Variants in SGK3 observed in about 807,000 individuals in gnomAD.
SGK3 encodes the protein serine/threonine-protein kinase Sgk3.
Under a neutral mutation model 68.5 loss-of-function variants are expected in SGK3, and 47 were observed. The ratio of observed to expected loss-of-function variants is 0.69; its 90% confidence interval spans 0.54 to 0.87. The LOEUF is 0.87. Ranked by LOEUF, SGK3 falls within the 40% of genes least tolerant of loss-of-function variation. The pLI, the probability that SGK3 is intolerant of heterozygous loss-of-function variation, is 0.00. For synonymous variants in SGK3, 181 were observed against 189.1 expected (o/e 0.96, Z 0.35); for missense variants, 479 against 575.5 (o/e 0.83, Z 1.72).
intron 1 of SGK3, among the ~76,000 whole-genome samples, chr8:66,723,115 ATATATATATATATATATTTTTT>A (rs1221550297): frequency 1.0e-4 from 5 of 48,778 alleles, no homozygotes; most frequent in African/African-American, 4.4e-4. Flanking sequence ...ATATATATAT[ATATATATATATATATATTTTTT>A]TTTTTTTTTT....
At chr8:66,713,786 T>C (rs1449585163) in intron 1 of SGK3, among the ~76,000 whole-genome samples, 1 of 152,218 alleles carries the variant, frequency 6.6e-6, no homozygotes, top group African/African-American at 2.4e-5. Context: ...GAAGAGGCTA[T>C]CCATACTTTA....
intron 10 of SGK3, among the ~76,000 whole-genome samples, 161 bp downstream of exon 10, chr8:66,836,235 A>G (rs1809526046): frequency 6.6e-6 from 1 of 152,240 alleles, no homozygotes. Context: ...GAATTGTAAC[A>G]CAGAGCTTTT....
In SGK3 at chr8:66,742,956, C is replaced by A. The variant is rs1043404403; in HGVS notation, c.-122+30123C>A. Among the ~76,000 whole-genome samples the A allele has an allele frequency of 4.6e-5, 7 of 152,146 alleles. No individual in the cohort carries two copies. The East Asian group carries it at 1.2e-3, about 25-fold the overall frequency. On this transcript the variant is annotated intron_variant, in intron 1 of 16. Transcript: ENST00000521198. The stretch of plus-strand genomic sequence containing the variant: ...CACACTTTGTTTTCCTGCTTTTGAG[C>A]CTTTACTTACCTTCCTTTCACCTGT...
intron 1 of SGK3, among the ~76,000 whole-genome samples, chr8:66,718,511 G>A (rs954313785): frequency 2.0e-5 from 3 of 151,314 alleles, no homozygotes; most frequent in African/African-American, 4.9e-5. Flanking sequence ...TAATGCACAC[G>A]TATGTAGTTT....
intron 2 of SGK3, among the ~76,000 whole-genome samples, chr8:66,795,897 G>A (rs1000358226): frequency 2.6e-5 from 4 of 152,002 alleles, no homozygotes; most frequent in Non-Finnish European, 4.4e-5. Flanking sequence ...CCTTCTTTGA[G>A]TAGAATGCAA....
rs139258603 is a variant in SGK3, at chr8:66,804,490, A to G, written c.253+43A>G. The G allele has an allele frequency of 3.7e-4, 583 of 1,584,404 alleles. 1 individual carries two copies. Among genetic ancestry groups the G allele is most frequent in the Non-Finnish European group, 4.8e-4 (554 of 1,158,432 alleles). ...AGGCCAGCTATGAAGTGATTGTTGA[A>G]GTTTGAAGAAGTAAATTAATGTATT... On this transcript the variant is annotated intron_variant, in intron 4 of 16. Coordinates refer to ENST00000521198, the MANE Select transcript of SGK3 (RefSeq NM_001033578.3).
At chr8:66,787,269 C>T (rs962192608) in intron 1 of SGK3, among the ~76,000 whole-genome samples, 3 of 151,976 alleles carry the variant, frequency 2.0e-5, no homozygotes, top group Admixed American at 6.6e-5. Context: ...TTGCCTAGTG[C>T]ATGATGAGCA....
chr8:66,798,122 C>A (rs1308102009), intron 2 of SGK3, among the ~76,000 whole-genome samples: 3 of 152,012 alleles, frequency 2.0e-5, no homozygotes, highest in African/African-American at 7.2e-5. Context: ...AATCCTCTTA[C>A]TTCAGCCTCC....
intron 1 of SGK3, chr8:66,767,614 G>A (rs1397006616): frequency 1.2e-5 from 17 of 1,367,326 alleles, no homozygotes; most frequent in Non-Finnish European, 1.8e-5. Context: ...GTGCTCTTCA[G>A]GCAGGTCAAA....
chr8:66,720,641 G>C (rs1278868368), intron 1 of SGK3, among the ~76,000 whole-genome samples: 1 of 151,800 alleles, frequency 6.6e-6, no homozygotes, highest in Non-Finnish European at 1.5e-5. Flanking sequence ...ATAGTGGTGG[G>C]TGCCTGTAAT....
At chr8:66,822,579 A>AT in intron 6 of SGK3, 120 bp downstream of exon 6, 2 of 883,934 alleles carry the variant, frequency 2.3e-6, no homozygotes, top group Non-Finnish European at 3.4e-6. Flanking sequence ...TCTACTATGT[A>AT]GAACACATAA....
Position 66,798,716 on chromosome 8 carries a change from C to G in SGK3, c.180+91C>G, listed in dbSNP as rs1807805185. 5 of 1,096,606 alleles carry G rather than the reference C, an allele frequency of 4.6e-6. No individual in the cohort carries two copies. The African/African-American group carries it at 4.7e-5, about 10-fold the overall frequency. 67.9% of individuals were successfully genotyped at this position (1,096,606 alleles called of 1,614,324 possible). A position where few individuals can be genotyped will look rare whatever the true frequency, so the allele number is the denominator to read the frequency against. On this transcript the variant is annotated intron_variant, in intron 3 of 16. Coordinates refer to ENST00000521198, the MANE Select transcript of SGK3 (RefSeq NM_001033578.3). ...ATGTATTTGAATGATTAAATTGATA[C>G]TCATATGTTAATATGTCAGACAGGC... is the stretch of plus-strand genomic sequence containing the variant.
chr8:66,795,183 T>C (rs1307982002), intron 2 of SGK3, among the ~76,000 whole-genome samples: 2 of 152,214 alleles, frequency 1.3e-5, no homozygotes, highest in African/African-American at 4.8e-5. Context: ...TAGGTGGGGC[T>C]GAGTGCCGGA....
intron 4 of SGK3, among the ~76,000 whole-genome samples, chr8:66,812,385 C>T (rs1585752981): frequency 6.6e-6 from 1 of 151,844 alleles, no homozygotes; most frequent in Non-Finnish European, 1.5e-5. Flanking sequence ...GATGAAACCC[C>T]GTCTCTACTA....
At position 66,811,373 on chromosome 8, in the gene SGK3, ACTT is replaced by A. The variant is rs574900231; in HGVS notation, c.254-2475_254-2473del. Among the ~76,000 whole-genome samples the A allele has an allele frequency of 4.6e-5, 7 of 152,294 alleles. No individual in the cohort carries two copies. The East Asian group carries it at 1.3e-3, about 29-fold the overall frequency. On this transcript the variant is annotated intron_variant, in intron 4 of 16. Transcript: ENST00000521198. ...GAATTCCAGCAGATACATTCATGTA[ACTT>A]CTTCATTGGAGAGATTTTTAAAAAT... is the stretch of plus-strand genomic sequence containing the variant.
chr8:66,822,507 G>C (rs934872499), intron 6 of SGK3, 48 bp downstream of exon 6: 23 of 1,569,964 alleles, frequency 1.5e-5, no homozygotes, highest in Non-Finnish European at 2.0e-5. Context: ...CTATTCCAAA[G>C]GTGAAATTAG....
intron 4 of SGK3, 44 bp from the exon 5 acceptor site, chr8:66,813,807 CAT>C (rs1808474571): frequency 6.8e-7 from 1 of 1,473,880 alleles, no homozygotes; most frequent in African/African-American, 1.4e-5. Flanking sequence ...ATGATAATTG[CAT>C]AGTCTGACAT....
At chr8:66,729,411 G>A (rs555750032) in intron 1 of SGK3, among the ~76,000 whole-genome samples, 49 of 151,650 alleles carry the variant, frequency 3.2e-4, no homozygotes, top group African/African-American at 9.9e-4. Context: ...AGCCGAGATC[G>A]CGCCACTGCA....
chr8:66,816,690 A>G (rs977769745), intron 5 of SGK3, among the ~76,000 whole-genome samples: 1 of 151,800 alleles, frequency 6.6e-6, no homozygotes, highest in African/African-American at 2.4e-5. Flanking sequence ...CAGAATTTTA[A>G]TTTTCACGCT....
Sources: gnomAD v4.1 joint callset for allele counts (sites outside exome capture counted in the v4.1 genomes callset) on GRCh38, gnomAD v4.1.1 for gene constraint, MANE v1.5 for transcripts, NCBI Gene and HGNC (gene_info 2026-07-23, HGNC 2026-07-21) for gene names.